WWC1: variants seen among roughly 807,000 people sequenced by gnomAD.
WWC1 encodes protein KIBRA.
Under a neutral mutation model 138.4 loss-of-function variants are expected in WWC1, and 55 were observed. That is an observed-to-expected ratio of 0.40 (90% CI 0.32 to 0.50). WWC1 has a LOEUF of 0.50. Ranked by LOEUF, WWC1 falls within the 20% of genes least tolerant of loss-of-function variation. The pLI is 0.72. For synonymous variants in WWC1, 524 were observed against 564.9 expected (o/e 0.93, Z 1.03); for missense variants, 1,226 against 1,420.4 (o/e 0.86, Z 2.20).
chr5:168,348,665 A>G (rs1774683044), intron 1 of WWC1, among the ~76,000 whole-genome samples: 3 of 152,228 alleles, frequency 2.0e-5, no homozygotes, highest in Admixed American at 2.0e-4. Context: ...GAAAAGATCA[A>G]GGAGTAGTTG....
At chr5:168,317,955 T>G (rs1400982440) in intron 1 of WWC1, among the ~76,000 whole-genome samples, 2 of 152,224 alleles carry the variant, frequency 1.3e-5, no homozygotes, top group African/African-American at 4.8e-5. Context: ...AGGAATGCAG[T>G]GCTGGAGAGA....
At chr5:168,426,678 G>A (rs527519212) in intron 11 of WWC1, among the ~76,000 whole-genome samples, 3 of 152,226 alleles carry the variant, frequency 2.0e-5, no homozygotes, top group African/African-American at 7.2e-5. Flanking sequence ...TGGGACGCAG[G>A]CTCAGCTTCC....
chr5:168,452,165 C>G (rs946557402), intron 17 of WWC1, among the ~76,000 whole-genome samples: 1 of 152,078 alleles, frequency 6.6e-6, no homozygotes, highest in South Asian at 2.1e-4. Context: ...CTTGGCCACC[C>G]AAAGTGCTGG....
intron 11 of WWC1, among the ~76,000 whole-genome samples, chr5:168,427,433 G>A (rs1484680675): frequency 6.6e-6 from 1 of 152,046 alleles, no homozygotes. Context: ...AGGTCATGAA[G>A]CAGTGAGTGG....
intron 1 of WWC1, among the ~76,000 whole-genome samples, chr5:168,323,057 G>A (rs142880999): frequency 1.9e-4 from 29 of 152,176 alleles, no homozygotes; most frequent in African/African-American, 6.0e-4. Flanking sequence ...AAATTTCTTC[G>A]TTTCTTTAAA....
intron 17 of WWC1, among the ~76,000 whole-genome samples, chr5:168,452,063 G>A (rs566013657): frequency 3.9e-5 from 6 of 152,012 alleles, no homozygotes; most frequent in South Asian, 4.2e-4. Flanking sequence ...CCACCACCAC[G>A]CCTGGCTAAT....
At chr5:168,337,713 A>G (rs1773615776) in intron 1 of WWC1, among the ~76,000 whole-genome samples, 1 of 152,250 alleles carries the variant, frequency 6.6e-6, no homozygotes, top group Non-Finnish European at 1.5e-5. Flanking sequence ...AAAGAAAGAA[A>G]GAAATGCATC....
At chr5:168,335,262 C>A (rs1773362133) in intron 1 of WWC1, among the ~76,000 whole-genome samples, 1 of 152,140 alleles carries the variant, frequency 6.6e-6, no homozygotes, top group Non-Finnish European at 1.5e-5. Context: ...TTCTTGGGTG[C>A]TAGCAGAGAC....
intron 9 of WWC1, 90 bp downstream of exon 9, chr5:168,414,680 G>A (rs967669887): frequency 2.2e-5 from 32 of 1,438,450 alleles, no homozygotes; most frequent in East Asian, 7.5e-5. Context: ...AGGGGGCTCC[G>A]GGCCCCTGGG....
intron 1 of WWC1, among the ~76,000 whole-genome samples, chr5:168,334,959 T>A (rs779580473): frequency 6.6e-6 from 1 of 152,186 alleles, no homozygotes; most frequent in Non-Finnish European, 1.5e-5. Context: ...GGCTGAATTC[T>A]TGAAATTTCA....
intron 1 of WWC1, among the ~76,000 whole-genome samples, chr5:168,348,584 A>G (rs115288253): frequency 6.6e-6 from 1 of 152,120 alleles, no homozygotes; most frequent in African/African-American, 2.4e-5. Context: ...AGCCACACAC[A>G]TTTGCCAGCT....
rs568016929 is a variant in WWC1, at chr5:168,346,094, T to TG, written c.120-25329dup. On this transcript the variant is annotated intron_variant, in intron 1 of 22. Transcript: ENST00000265293. ...ATGGCCCAGGAGGGACCCCCAAGAG[T>TG]GTTTGATTGGGATGCCCAGCCCTGG... Among the ~76,000 whole-genome samples the TG allele has an allele frequency of 6.0e-5, 9 of 150,548 alleles. 2 individuals are homozygous for TG. The South Asian group carries it at 1.9e-3, about 32-fold the overall frequency.
chr5:168,457,349 G>A (rs1756429384), intron 19 of WWC1, among the ~76,000 whole-genome samples: 1 of 152,004 alleles, frequency 6.6e-6, no homozygotes, highest in African/African-American at 2.4e-5. Context: ...ATATAGCAGG[G>A]AACAATTTAA....
chr5:168,384,776 G>A (rs1447888304), intron 2 of WWC1, among the ~76,000 whole-genome samples: 1 of 144,552 alleles, frequency 6.9e-6, no homozygotes, highest in African/African-American at 2.6e-5. Flanking sequence ...GGAGTGCAGT[G>A]GCACGATCTC....
intron 9 of WWC1, among the ~76,000 whole-genome samples, chr5:168,417,121 C>T (rs1214243060): frequency 1.3e-5 from 2 of 152,140 alleles, no homozygotes; most frequent in Non-Finnish European, 2.9e-5. Flanking sequence ...CGTGCCTCGG[C>T]CTTCCAAAGT....
intron 19 of WWC1, among the ~76,000 whole-genome samples, chr5:168,458,077 G>A (rs1267670211): frequency 6.6e-6 from 1 of 152,166 alleles, no homozygotes; most frequent in African/African-American, 2.4e-5. Flanking sequence ...GTGGGAGGTT[G>A]GCTTTGTTTC....
chr5:168,371,238 C>A (rs758489665), intron 1 of WWC1, among the ~76,000 whole-genome samples, 186 bp from the exon 2 acceptor site: 3 of 152,222 alleles, frequency 2.0e-5, no homozygotes, highest in Non-Finnish European at 2.9e-5. Flanking sequence ...TGATCTTATC[C>A]TGCTGCTGCA....
At chr5:168,463,279 G>A (rs1336338323) in intron 20 of WWC1, among the ~76,000 whole-genome samples, 3 of 152,140 alleles carry the variant, frequency 2.0e-5, no homozygotes, top group Non-Finnish European at 4.4e-5. Flanking sequence ...TCATCTGGAG[G>A]CTTGACTAAG....
intron 1 of WWC1, among the ~76,000 whole-genome samples, chr5:168,331,636 T>C (rs1204117395): frequency 1.3e-5 from 2 of 152,222 alleles, no homozygotes; most frequent in Non-Finnish European, 2.9e-5. Flanking sequence ...CTATCGTTGC[T>C]TGCACCATGC....
Sources: gnomAD v4.1 joint callset for allele counts (sites outside exome capture counted in the v4.1 genomes callset) on GRCh38, gnomAD v4.1.1 for gene constraint, MANE v1.5 for transcripts, NCBI Gene and HGNC (gene_info 2026-07-23, HGNC 2026-07-21) for gene names.